ERMARD: variants seen among roughly 807,000 people sequenced by gnomAD.
ERMARD encodes endoplasmic reticulum membrane-associated RNA degradation protein.
Under a neutral mutation model 83.9 loss-of-function variants are expected in ERMARD, and 71 were observed. That is an observed-to-expected ratio of 0.85 (90% CI 0.70 to 1.03). The LOEUF is 1.03. Among genes scored for constraint, ERMARD ranks in the 50% least tolerant of loss-of-function variants. The pLI, the probability that ERMARD is intolerant of heterozygous loss-of-function variation, is 0.00. For synonymous variants in ERMARD, 284 were observed against 298.6 expected (o/e 0.95, Z 0.50); for missense variants, 838 against 810.9 (o/e 1.03, Z -0.41).
rs4716346 is a variant in ERMARD at position 169,776,552 on chromosome 6, A to G, written c.1618A>G (p.Ser540Gly). The G allele has an allele frequency of 0.24, 385,737 of 1,613,514 alleles. 49,153 individuals are homozygous for G. Among genetic ancestry groups the G allele is most frequent in the African/African-American group, 0.48 (35,961 of 74,780 alleles). Residue 540 changes from serine to glycine, a missense_variant, in exon 16 of 18, where the codon AGC (serine) becomes GGC (glycine). Coordinates refer to ENST00000366773, the MANE Select transcript of ERMARD (RefSeq NM_018341.3). ...AGTGCTGGTTGTGCTCCGAAGCATC[A>G]GCGAACAGTGCCGCCGTGTGTCCAG... ...LEVLVVLRSI[S>G]EQCRRVSSQV... is the part of the protein sequence containing the mutation.
At chr6:169,763,709 G>A (rs1791836191) in intron 9 of ERMARD, among the ~76,000 whole-genome samples, 1 of 152,228 alleles carries the variant, frequency 6.6e-6, no homozygotes. Flanking sequence ...CTCCCTGGGA[G>A]ATCTCATACA....
intron 13 of ERMARD, 90 bp downstream of exon 13, chr6:169,773,492 G>A (rs1793222097): frequency 7.6e-7 from 1 of 1,323,840 alleles, no homozygotes; most frequent in Non-Finnish European, 1.1e-6. Flanking sequence ...CAGTTTGCTT[G>A]CTGAGTCAGA....
chr6:169,759,740 T>G lies in ERMARD; in HGVS notation c.606-98T>G. On this transcript the variant is annotated intron_variant, in intron 6 of 17. Transcript: ENST00000366773. ...ATCGGACAGTTTCATGCAATTTAAC[T>G]TTGCTTTCTTAATTTTAAATTTGTA... is the stretch of plus-strand genomic sequence containing the variant. 8 of 1,205,908 alleles carry G rather than the reference T, an allele frequency of 6.6e-6. No individual in the cohort carries two copies. The South Asian group carries it at 1.1e-4, about 17-fold the overall frequency. The allele number at this position is 1,205,908 out of a possible 1,614,324, so 74.7% of individuals were successfully genotyped here.
At chr6:169,758,574 G>A (rs1249116869) in intron 5 of ERMARD, among the ~76,000 whole-genome samples, 1 of 152,220 alleles carries the variant, frequency 6.6e-6, no homozygotes, top group African/African-American at 2.4e-5. Flanking sequence ...TCATATCATT[G>A]TCTTTTTACA....
chr6:169,762,106 TAGAG>T (rs1313282476), intron 8 of ERMARD, among the ~76,000 whole-genome samples: 2 of 152,142 alleles, frequency 1.3e-5, no homozygotes, highest in Admixed American at 6.6e-5. Context: ...GTTTTTTACT[TAGAG>T]AGTCTTAGTC....
intron 8 of ERMARD, among the ~76,000 whole-genome samples, chr6:169,761,652 AC>A (rs1791566363): frequency 6.9e-6 from 1 of 145,228 alleles, no homozygotes; most frequent in African/African-American, 2.6e-5. Flanking sequence ...AGTTAGTGAA[AC>A]TTTTGTTCTA....
At chr6:169,776,344 G>T in intron 15 of ERMARD, 111 bp from the exon 16 acceptor site, 5 of 1,553,324 alleles carry the variant, frequency 3.2e-6, no homozygotes, top group Non-Finnish European at 4.4e-6. Context: ...ACCAACCAGC[G>T]ATACGCCGCT....
chr6:169,751,954 C>G, intron 1 of ERMARD: 1 of 438,166 alleles, frequency 2.3e-6, no homozygotes, highest in Non-Finnish European at 4.0e-6. Flanking sequence ...GAGGGCTGTG[C>G]GCGGTGGCGC....
intron 2 of ERMARD, among the ~76,000 whole-genome samples, 188 bp from the exon 3 acceptor site, chr6:169,755,095 C>T (rs2128341250): frequency 6.6e-6 from 1 of 152,224 alleles, no homozygotes; most frequent in East Asian, 1.9e-4. Flanking sequence ...ATTTTTCTTT[C>T]ATAACCTGAT....
intron 12 of ERMARD, among the ~76,000 whole-genome samples, chr6:169,770,113 C>T (rs543591422): frequency 1.5e-4 from 21 of 137,080 alleles, no homozygotes; most frequent in African/African-American, 5.4e-4. Context: ...TAGGATAGAA[C>T]ATTTGTTATT....
intron 16 of ERMARD, among the ~76,000 whole-genome samples, chr6:169,777,269 G>A (rs1793713167): frequency 6.6e-6 from 1 of 152,178 alleles, no homozygotes; most frequent in Non-Finnish European, 1.5e-5. Flanking sequence ...TCCCACACCT[G>A]GGAAGATCAG....
At chr6:169,756,864 TA>T (rs2128342537) in intron 5 of ERMARD, 56 bp downstream of exon 5, 1 of 1,480,412 alleles carries the variant, frequency 6.8e-7, no homozygotes. Context: ...ATGCTGCTGT[TA>T]AAGACATACC....
At chr6:169,760,350 T>C (rs1791390793) in intron 7 of ERMARD, among the ~76,000 whole-genome samples, 1 of 152,228 alleles carries the variant, frequency 6.6e-6, no homozygotes, top group Admixed American at 6.5e-5. Context: ...ATCAAGGGTC[T>C]TTTACACCTT....
At chr6:169,773,684 C>T (rs1231110734) in intron 13 of ERMARD, among the ~76,000 whole-genome samples, 1 of 152,206 alleles carries the variant, frequency 6.6e-6, no homozygotes, top group African/African-American at 2.4e-5. Context: ...GCTGAGTCCC[C>T]TGGCAGGCTG....
At chr6:169,769,289 G>A (rs1016369478) in intron 11 of ERMARD, among the ~76,000 whole-genome samples, 2 of 152,140 alleles carry the variant, frequency 1.3e-5, no homozygotes, top group African/African-American at 4.8e-5. Flanking sequence ...CTTCCTTGGA[G>A]GAAGGTGAAA....
chr6:169,762,348 T>C, intron 8 of ERMARD, 81 bp from the exon 9 acceptor site: 1 of 1,305,830 alleles, frequency 7.7e-7, no homozygotes, highest in Non-Finnish European at 1.1e-6. Context: ...ATGCTGGGAT[T>C]ACAGGCATGA....
chr6:169,759,999 C>T (rs765424293), intron 7 of ERMARD, 25 bp downstream of exon 7: 4 of 1,613,750 alleles, frequency 2.5e-6, no homozygotes, highest in Non-Finnish European at 2.5e-6. Context: ...TCACATTTTT[C>T]CTTATAGCTT....
At position 169,769,614 on chromosome 6, in the gene ERMARD, C is replaced by T. The variant is rs559838364; in HGVS notation, c.1134C>T (p.Asn378=). 10 of 1,613,422 alleles carry T rather than the reference C, an allele frequency of 6.2e-6. No individual in the cohort carries two copies. The East Asian group carries it at 6.7e-5, about 11-fold the overall frequency. ...IRDHLSHGEI[N]LHEFSKETTN... is the part of the protein sequence containing the mutation. ...ATCATTTAAGCCACGGGGAGATCAACTTACATGAATTTTCAAAAGAAACAA... is the reference window on the plus strand; with the variant it reads ...ATCATTTAAGCCACGGGGAGATCAATTTACATGAATTTTCAAAAGAAACAA... The change falls in exon 12 of 18, where the codon AAC becomes AAT. Residue 378 remains asparagine (N), a synonymous_variant. Coordinates refer to ENST00000366773, the MANE Select transcript of ERMARD (RefSeq NM_018341.3).
Position 169,759,922 on chromosome 6 carries a change from A to G in ERMARD, c.690A>G (p.Ala230=). The G allele has an allele frequency of 6.2e-7, 1 of 1,614,214 alleles. No homozygotes were observed. The highest frequency in any genetic ancestry group is 8.5e-7 in the Non-Finnish European group (1 of 1,180,046). Reference sequence around the variant, plus strand: ...TTCAAAACACTAAACTTACATTGGCACATCGCTCTTTCATATCTCTTACAA... The same window carrying G: ...TTCAAAACACTAAACTTACATTGGCGCATCGCTCTTTCATATCTCTTACAA... ...SYLQNTKLTL[A]HRSFISLTNL... The change falls in exon 7 of 18, where the codon GCA becomes GCG. Residue 230 remains alanine (A), a synonymous_variant. Transcript: ENST00000366773.
Sources: gnomAD v4.1 joint callset for allele counts (sites outside exome capture counted in the v4.1 genomes callset) on GRCh38, gnomAD v4.1.1 for gene constraint, MANE v1.5 for transcripts, NCBI Gene and HGNC (gene_info 2026-07-23, HGNC 2026-07-21) for gene names.